The following RTKN2 variants were observed in gnomAD, a reference collection of about 807,000 sequenced individuals.
RTKN2 encodes the protein rhotekin 2.
RTKN2 carries 69 observed loss-of-function variants against 71.5 expected under a neutral mutation model. That is an observed-to-expected ratio of 0.96 (90% CI 0.79 to 1.18). The LOEUF (loss-of-function observed/expected upper bound fraction) is 1.18, where lower values mean the gene tolerates loss of function less well. Among genes scored for constraint, RTKN2 ranks in the 50% most tolerant of loss-of-function variants. The pLI, the probability that RTKN2 is intolerant of heterozygous loss-of-function variation, is 0.00. For missense variants in RTKN2, 724 were observed against 719.7 expected (o/e 1.01, Z -0.07); for synonymous variants, 236 against 236.5 (o/e 1.00, Z 0.02).
At chr10:62,222,384 T>A (rs913889769) in intron 7 of RTKN2, among the ~76,000 whole-genome samples, 1 of 152,100 alleles carries the variant, frequency 6.6e-6, no homozygotes, top group Non-Finnish European at 1.5e-5. Context: ...AGAACTGGGA[T>A]TACAGGCATG....
chr10:62,189,749 C>T (rs946446418), downstream of RTKN2, among the ~76,000 whole-genome samples: 3 of 152,098 alleles, frequency 2.0e-5, no homozygotes, highest in African/African-American at 7.2e-5. Context: ...TGGCTTGAAC[C>T]TGGCTTGAAG....
chr10:62,259,927 GA>G (rs1284424549), intron 2 of RTKN2, among the ~76,000 whole-genome samples: 2 of 152,174 alleles, frequency 1.3e-5, no homozygotes, highest in Non-Finnish European at 2.9e-5. Flanking sequence ...TCACAATCTA[GA>G]AGATCCAAAC....
intron 2 of RTKN2, chr10:62,259,183 G>A (rs754414082): frequency 1.3e-5 from 6 of 453,212 alleles, no homozygotes; most frequent in Non-Finnish European, 2.2e-5. Context: ...CTGCTGACAT[G>A]TAAGAGATGA....
rs1841301375 is a variant in RTKN2 at position 62,195,351 on chromosome 10, A to G, written c.*2557T>C. ...AAAGCTGAAGCAGCTTTCATATTACATGGCATATTTATTTGTCATAAACTT... is the reference window on the plus strand; with the variant it reads ...AAAGCTGAAGCAGCTTTCATATTACGTGGCATATTTATTTGTCATAAACTT... On this transcript the variant is annotated 3_prime_UTR_variant, in exon 12 of 12. Transcript: ENST00000373789. The G allele has an allele frequency of 2.3e-5, 23 of 984,848 alleles. No homozygotes were observed. Among genetic ancestry groups the G allele is most frequent in the Non-Finnish European group, 2.7e-5 (22 of 829,414 alleles). 61.0% of individuals were successfully genotyped at this position (984,848 alleles called of 1,614,324 possible).
intron 8 of RTKN2, among the ~76,000 whole-genome samples, chr10:62,217,655 A>G (rs187622440): frequency 3.2e-4 from 49 of 152,356 alleles, no homozygotes; most frequent in African/African-American, 1.1e-3. Context: ...TTCTCAGAGC[A>G]TCGGAAAATG....
intron 9 of RTKN2, among the ~76,000 whole-genome samples, chr10:62,214,505 C>T (rs1841726718): frequency 6.6e-6 from 1 of 152,080 alleles, no homozygotes; most frequent in South Asian, 2.1e-4. Context: ...TGGCCATCAG[C>T]CTTTATTACC....
chr10:62,239,722 A>T lies in RTKN2; in HGVS notation c.414T>A (p.Ala138=), dbSNP rs184611694. ...TCACCACATCAGTATCAAACACATT[A>T]GCTCCCATTTTGAATAAACAAAAAA... is the stretch of plus-strand genomic sequence containing the variant. ...YAIFCLFKMG[A]NVFDTDVVNV... Residue 138 remains alanine, a synonymous_variant, in exon 5 of 12, where the codon GCT becomes GCA. Transcript: ENST00000373789. 6.3e-7 allele frequency: 1 copy of T among 1,595,092 alleles called. No individual in the cohort carries two copies. Among genetic ancestry groups the T allele is most frequent in the African/African-American group, 1.3e-5 (1 of 74,458 alleles).
At chr10:62,185,449 C>G (rs974979638) in intron 8 of RTKN2, among the ~76,000 whole-genome samples, 2 of 152,022 alleles carry the variant, frequency 1.3e-5, no homozygotes, top group African/African-American at 4.8e-5. Context: ...AACCCCGTCT[C>G]TACTAAAAAT....
In RTKN2 at chr10:62,193,818, G is replaced by A; in HGVS notation, c.*4090C>T. The stretch of plus-strand genomic sequence containing the variant: ...TTTTAAAAGAGTATACTTTAAGAAG[G>A]ATTATATGTAAACATTTTAATAATG... On this transcript the variant is annotated 3_prime_UTR_variant, in exon 12 of 12. Coordinates refer to ENST00000373789, the MANE Select transcript of RTKN2 (RefSeq NM_145307.4). 1 of 975,766 alleles carries A rather than the reference G, an allele frequency of 1.0e-6. No homozygotes were observed. The allele number at this position is 975,766 out of a possible 1,614,324, so 60.4% of individuals were successfully genotyped here. A position where few individuals can be genotyped will look rare whatever the true frequency, so the allele number is the denominator to read the frequency against.
intron 2 of RTKN2, among the ~76,000 whole-genome samples, chr10:62,254,678 G>T (rs1234390263): frequency 6.6e-6 from 1 of 152,140 alleles, no homozygotes; most frequent in Admixed American, 6.5e-5. Flanking sequence ...GGTGGCTCAC[G>T]CCTGTAATCC....
Position 62,185,607 on chromosome 10 carries a change from G to C in RTKN2, c.862-1220C>G, listed in dbSNP as rs1336031370. On this transcript the variant is annotated intron_variant, in intron 8 of 8. Coordinates refer to the RTKN2 transcript ENST00000315289. ...GCACTCCAGCCTGGCAACAGAGCAA[G>C]ACTCCGTCTCAAAAAAAAAAGATTG... is the stretch of plus-strand genomic sequence containing the variant. 2.0e-5 allele frequency among the ~76,000 whole-genome samples: 3 copies of C among 152,028 alleles called. No individual in the cohort carries two copies. In the East Asian group the frequency reaches 5.8e-4, roughly 29 times the overall value.
intron 3 of RTKN2, among the ~76,000 whole-genome samples, chr10:62,243,719 A>C (rs1842425917): frequency 6.6e-6 from 1 of 152,126 alleles, no homozygotes; most frequent in Admixed American, 6.5e-5. Flanking sequence ...TTCCTTCCAG[A>C]TTCTTGCAAA....
chr10:62,229,162 T>G (rs1392963440), intron 6 of RTKN2, among the ~76,000 whole-genome samples: 1 of 152,118 alleles, frequency 6.6e-6, no homozygotes, highest in African/African-American at 2.4e-5. Flanking sequence ...AAGGCAAGTA[T>G]GACAAAAGAA....
chr10:62,193,115 C>A lies in RTKN2; in HGVS notation c.*4793G>T. ...GTTAAATGTTTATTAAGATTAAGTT[C>A]TACAAAAATGCATCCATTCATAATT... On this transcript the variant is annotated 3_prime_UTR_variant, in exon 12 of 12. Coordinates refer to ENST00000373789, the MANE Select transcript of RTKN2 (RefSeq NM_145307.4). The A allele has an allele frequency of 1.9e-6, 1 of 528,626 alleles. No homozygotes were observed. The highest frequency in any genetic ancestry group is 2.4e-6 in the Non-Finnish European group (1 of 412,850). 32.7% of individuals were successfully genotyped at this position (528,626 alleles called of 1,614,324 possible).
intron 9 of RTKN2, among the ~76,000 whole-genome samples, chr10:62,211,946 G>A (rs1437707108): frequency 6.6e-6 from 1 of 152,130 alleles, no homozygotes; most frequent in Non-Finnish European, 1.5e-5. Context: ...TTACAGGCGT[G>A]AGCTACCGCA....
chr10:62,212,223 G>A (rs1841676712), intron 9 of RTKN2, among the ~76,000 whole-genome samples: 4 of 151,762 alleles, frequency 2.6e-5, no homozygotes, highest in Admixed American at 2.6e-4. Flanking sequence ...TCAAAAATTA[G>A]CCGGGCATGG....
chr10:62,185,616 T>C (rs1013971564), intron 8 of RTKN2, among the ~76,000 whole-genome samples: 31 of 151,554 alleles, frequency 2.0e-4, no homozygotes, highest in Middle Eastern at 3.4e-3. Flanking sequence ...AGACTCCGTC[T>C]CAAAAAAAAA....
In RTKN2 at chr10:62,199,811, G is replaced by T. The variant is rs1242079173; in HGVS notation, c.1237C>A (p.Pro413Thr). The T allele has an allele frequency of 1.2e-6, 2 of 1,613,556 alleles. No homozygotes were observed. The highest frequency in any genetic ancestry group is 1.7e-5 in the Admixed American group (1 of 59,992). Residue 413 changes from proline to threonine, a missense_variant, in exon 11 of 12, where the codon CCA (proline) becomes ACA (threonine). Coordinates refer to ENST00000373789, the MANE Select transcript of RTKN2 (RefSeq NM_145307.4). ...EELMKIEIMS[P>T]RKPPLFLTKE... ...GTCAAGAACAAAGGTGGTTTCCGTG[G>T]TGACATAATCTCAATTTTCATAAGT...
At chr10:62,229,597 C>T (rs546551089) in intron 6 of RTKN2, among the ~76,000 whole-genome samples, 3 of 152,234 alleles carry the variant, frequency 2.0e-5, no homozygotes, top group African/African-American at 2.4e-5. Context: ...GTAGTCTTCA[C>T]TTTAGGAAGA....
Sources: gnomAD v4.1 joint callset for allele counts (sites outside exome capture counted in the v4.1 genomes callset) on GRCh38, gnomAD v4.1.1 for gene constraint, MANE v1.5 for transcripts, NCBI Gene and HGNC (gene_info 2026-07-23, HGNC 2026-07-21) for gene names.